SOAT2: variants seen among roughly 807,000 people sequenced by gnomAD.
The protein encoded by SOAT2 is ACAT-2.
A neutral mutation model predicts 76.0 loss-of-function variants in SOAT2; 87 were observed. The ratio of observed to expected loss-of-function variants is 1.14; its 90% confidence interval spans 0.96 to 1.37. SOAT2 has a LOEUF of 1.37. Ranked by LOEUF, SOAT2 falls within the 40% of genes most tolerant of loss-of-function variation. The pLI, the probability that SOAT2 is intolerant of heterozygous loss-of-function variation, is 0.00. For synonymous variants in SOAT2, 285 were observed against 275.4 expected, an observed-to-expected ratio of 1.03 and a Z score of -0.34; for missense variants, 686 against 682.1, an observed-to-expected ratio of 1.01 and a Z score of -0.06.
At chr12:53,108,390 T>C (rs2121263858) in intron 5 of SOAT2, among the ~76,000 whole-genome samples, 1 of 152,322 alleles carries the variant, frequency 6.6e-6, no homozygotes, top group Admixed American at 6.5e-5. Flanking sequence ...AAATAACCAC[T>C]TTTTCCAATT....
Position 53,120,860 on chromosome 12 carries a change from T to C in SOAT2, c.1114T>C (p.Phe372Leu). 1 of 1,613,916 alleles carries C rather than the reference T, an allele frequency of 6.2e-7. No individual in the cohort carries two copies. The highest frequency in any genetic ancestry group is 8.5e-7 in the Non-Finnish European group (1 of 1,179,888). The part of the protein sequence containing the change: ...WLNAFAEMLR[F>L]GDRMFYRDWW... ...CAACGCCTTTGCCGAGATGCTACGA[T>C]TTGGAGACAGGATGTTCTACCGGGT... The change falls in exon 11 of 15, where the codon TTT (phenylalanine) becomes CTT (leucine). Residue 372 changes from phenylalanine (F) to leucine (L), a missense_variant. Phe to Leu is a conservative substitution (Grantham distance 22). Transcript: ENST00000301466.
rs770822068 is a variant in SOAT2, at chr12:53,118,886, G to A, written c.864-4G>A. On this transcript the variant is annotated splice_polypyrimidine_tract_variant and splice_region_variant and intron_variant, in intron 8 of 14. Coordinates refer to ENST00000301466, the MANE Select transcript of SOAT2 (RefSeq NM_003578.4). ...GAAACATATTGTCCCCATTGCCGCT[G>A]CAGGACGCCCTATGTCAGGTGGAAT... 3.7e-6 allele frequency: 6 copies of A among 1,614,158 alleles called. No homozygotes were observed. Among genetic ancestry groups the A allele is most frequent in the Non-Finnish European group, 5.1e-6 (6 of 1,180,014 alleles).
chr12:53,115,278 C>G, intron 5 of SOAT2, 112 bp from the exon 6 acceptor site: 1 of 1,277,726 alleles, frequency 7.8e-7, no homozygotes, highest in East Asian at 2.4e-5. Context: ...AGATGGGGAG[C>G]TCACAACCTG....
intron 5 of SOAT2, among the ~76,000 whole-genome samples, chr12:53,110,767 T>C (rs1475567367): frequency 1.3e-5 from 2 of 152,202 alleles, no homozygotes; most frequent in African/African-American, 2.4e-5. Flanking sequence ...AACCTAATAT[T>C]TGACATCCAT....
rs4151119 is a variant in SOAT2, at chr12:53,119,113, G to C, written c.910-11G>C. 6,888 of 1,613,832 alleles carry C rather than the reference G, an allele frequency of 4.3e-3. 22 individuals carry two copies. Among genetic ancestry groups the C allele is most frequent in the Non-Finnish European group, 5.2e-3 (6,100 of 1,179,882 alleles). On this transcript the variant is annotated splice_polypyrimidine_tract_variant and intron_variant, in intron 9 of 14. Coordinates refer to ENST00000301466, the MANE Select transcript of SOAT2 (RefSeq NM_003578.4). ...TCCCTCTCCAGTTATGTGTCCCCAT[G>C]CCCCCTCCAGGCCCTGGGATGTGTG...
chr12:53,112,650 A>G (rs1938032415), intron 5 of SOAT2, among the ~76,000 whole-genome samples: 1 of 152,074 alleles, frequency 6.6e-6, no homozygotes, highest in Admixed American at 6.6e-5. Flanking sequence ...ACATACGTAT[A>G]CACATCTTGG....
intron 13 of SOAT2, among the ~76,000 whole-genome samples, chr12:53,123,417 G>A (rs1189441321): frequency 1.3e-5 from 2 of 152,162 alleles, no homozygotes; most frequent in African/African-American, 2.4e-5. Flanking sequence ...CTGTATCCTG[G>A]GGCATGTGGG....
intron 5 of SOAT2, among the ~76,000 whole-genome samples, chr12:53,114,998 C>T (rs1938079607): frequency 6.6e-6 from 1 of 152,180 alleles, no homozygotes; most frequent in Non-Finnish European, 1.5e-5. Flanking sequence ...ACAAACCATA[C>T]ACTATTAACC....
At chr12:53,111,941 C>T (rs1422058131) in intron 5 of SOAT2, among the ~76,000 whole-genome samples, 1 of 152,132 alleles carries the variant, frequency 6.6e-6, no homozygotes, top group Non-Finnish European at 1.5e-5. Context: ...CATAAATACG[C>T]AGACGTATTA....
At chr12:53,124,045 A>G in intron 14 of SOAT2, 28 bp from the exon 15 acceptor site, 2 of 1,603,526 alleles carry the variant, frequency 1.2e-6, no homozygotes, top group African/African-American at 2.7e-5. Flanking sequence ...GAATGATCTC[A>G]TTCACGACTT....
chr12:53,108,583 G>C (rs1314816832), intron 5 of SOAT2, among the ~76,000 whole-genome samples: 1 of 152,154 alleles, frequency 6.6e-6, no homozygotes, highest in East Asian at 1.9e-4. Flanking sequence ...AAGTTTCCTT[G>C]ACTCTGCAAA....
At chr12:53,116,933 A>G (rs114721356) in intron 7 of SOAT2, among the ~76,000 whole-genome samples, 6,893 of 149,836 alleles carry the variant, frequency 0.046, 363 homozygotes, top group African/African-American at 0.13. Context: ...AGACCATTTC[A>G]ACGTTATTAA....
chr12:53,104,971 T>G, intron 2 of SOAT2, 136 bp from the exon 3 acceptor site: 11 of 849,692 alleles, frequency 1.3e-5, no homozygotes, highest in East Asian at 3.9e-5. Context: ...CCCCCATCCC[T>G]GCTGACCCCC....
intron 12 of SOAT2, 111 bp downstream of exon 12, chr12:53,121,512 T>A: frequency 1.2e-6 from 1 of 833,538 alleles, no homozygotes; most frequent in Non-Finnish European, 2.0e-6. Flanking sequence ...CCTAAGGGCC[T>A]AAGGGCCGTT....
At chr12:53,123,259 G>A (rs1938222600) in intron 13 of SOAT2, 43 bp downstream of exon 13, 12 of 1,610,680 alleles carry the variant, frequency 7.5e-6, no homozygotes, top group Non-Finnish European at 1.0e-5. Context: ...CATCCAGAGG[G>A]AGGCCTGCAT....
chr12:53,124,320 G>T lies in SOAT2; in HGVS notation c.*197G>T. 1 of 615,200 alleles carries T rather than the reference G, an allele frequency of 1.6e-6. No individual in the cohort carries two copies. Among genetic ancestry groups the T allele is most frequent in the Non-Finnish European group, 2.9e-6 (1 of 343,970 alleles). 38.1% of individuals were successfully genotyped at this position (615,200 alleles called of 1,614,324 possible). Reference sequence around the variant, plus strand: ...ACTGATCACAGACCTCAGCATGGGGGTGACCAGGGTGACTCTTCAATCCCT... The same window carrying T: ...ACTGATCACAGACCTCAGCATGGGGTTGACCAGGGTGACTCTTCAATCCCT... On this transcript the variant is annotated 3_prime_UTR_variant, in exon 15 of 15. Coordinates refer to ENST00000301466, the MANE Select transcript of SOAT2 (RefSeq NM_003578.4).
intron 2 of SOAT2, 51 bp downstream of exon 2, chr12:53,104,257 G>A: frequency 7.4e-7 from 1 of 1,344,610 alleles, no homozygotes. Context: ...TTGGTAGCAG[G>A]AAGCAGGAGT....
chr12:53,106,885 G>T (rs1229563641), intron 5 of SOAT2, among the ~76,000 whole-genome samples: 2 of 152,158 alleles, frequency 1.3e-5, no homozygotes, highest in African/African-American at 4.8e-5. Context: ...AAGTGCTGGG[G>T]TGATTACCCT....
rs1390080789 is a variant in SOAT2 at position 53,121,375 on chromosome 12, A to T, written c.1210A>T (p.Ser404Cys). Residue 404 changes from serine (S) to cysteine (C), a missense_variant, in exon 12 of 15, where the codon AGC (serine) becomes TGC (cysteine). Ser to Cys is a moderately radical substitution (Grantham distance 112, BLOSUM62 -1). Coordinates refer to ENST00000301466, the MANE Select transcript of SOAT2 (RefSeq NM_003578.4). ...WNVVVHDWLY[S>C]YVYQDGLRLL... is the part of the protein sequence containing the mutation. ...CGTGGTGGTCCATGACTGGCTGTACAGCTACGTGTATCAGGATGGGCTGCG... is the reference window on the plus strand; with the variant it reads ...CGTGGTGGTCCATGACTGGCTGTACTGCTACGTGTATCAGGATGGGCTGCG... 1 of 1,614,148 alleles carries T rather than the reference A, an allele frequency of 6.2e-7. No homozygotes were observed. The highest frequency in any genetic ancestry group is 1.7e-5 in the Admixed American group (1 of 60,024).
Sources: gnomAD v4.1 joint callset for allele counts (sites outside exome capture counted in the v4.1 genomes callset) on GRCh38, gnomAD v4.1.1 for gene constraint, MANE v1.5 for transcripts, NCBI Gene and HGNC (gene_info 2026-07-23, HGNC 2026-07-21) for gene names.